Variants in WFDC11 observed in about 807,000 individuals in gnomAD.
WFDC11 encodes the protein protein WFDC11.
A neutral mutation model predicts 9.9 loss-of-function variants in WFDC11; 9 were observed. The ratio of observed to expected loss-of-function variants is 0.91; its 90% CI spans 0.55 to 1.58. The LOEUF (loss-of-function observed/expected upper bound fraction) is 1.58, where lower values mean the gene tolerates loss of function less well. Ranked by LOEUF, WFDC11 falls within the 40% of genes most tolerant of loss-of-function variation. The probability of loss-of-function intolerance (pLI) is 0.00; values close to 1 mark genes in which losing one functional copy is unlikely to be tolerated. For missense variants in WFDC11, 106 were observed against 101.7 expected (o/e 1.04, Z -0.18); for synonymous variants, 32 against 33.3 (o/e 0.96, Z 0.13).
intron 2 of WFDC11, among the ~76,000 whole-genome samples, chr20:45,661,249 C>A (rs6130883): frequency 0.15 from 23,030 of 151,948 alleles, 1,961 homozygotes; most frequent in East Asian, 0.31. Context: ...CCTTCACCCA[C>A]TTTTTTATGG....
chr20:45,649,483 T>C, intron 3 of WFDC11, 84 bp from the exon 4 acceptor site: 1 of 1,525,986 alleles, frequency 6.6e-7, no homozygotes, highest in Non-Finnish European at 8.8e-7. Flanking sequence ...GTTTAACAGT[T>C]CCTCCTGGAA....
At chr20:45,652,148 C>G (rs1396722254) in intron 2 of WFDC11, among the ~76,000 whole-genome samples, 1 of 152,186 alleles carries the variant, frequency 6.6e-6, no homozygotes, top group Non-Finnish European at 1.5e-5. Flanking sequence ...CAAGTGGGTC[C>G]CTGACCCCCG....
intron 4 of WFDC11, 73 bp downstream of exon 4, chr20:45,649,184 A>G (rs1427665035): frequency 7.0e-6 from 11 of 1,565,374 alleles, no homozygotes; most frequent in Non-Finnish European, 7.8e-6. Flanking sequence ...TCTTCTGTTT[A>G]GGAATAACAG....
intron 2 of WFDC11, among the ~76,000 whole-genome samples, chr20:45,653,057 A>G (rs1310993912): frequency 1.3e-5 from 2 of 152,198 alleles, no homozygotes. Context: ...GCAGGCCAAC[A>G]TTCAAATTCA....
At chr20:45,660,603 C>T (rs1983035820) in intron 2 of WFDC11, among the ~76,000 whole-genome samples, 1 of 152,052 alleles carries the variant, frequency 6.6e-6, no homozygotes, top group South Asian at 2.1e-4. Flanking sequence ...GTGTGATGTT[C>T]CCCTTTCTGT....
At chr20:45,668,485 A>G (rs908100911) in intron 1 of WFDC11, among the ~76,000 whole-genome samples, 5 of 98,832 alleles carry the variant, frequency 5.1e-5, no homozygotes, top group African/African-American at 2.1e-4. Flanking sequence ...CTCCGTAGGA[A>G]AAAAAAAAGA....
At position 45,649,412 on chromosome 20, in the gene WFDC11, T is replaced by A; in HGVS notation, c.101-13A>T. The A allele has an allele frequency of 6.2e-7, 1 of 1,613,066 alleles. No homozygotes were observed. The highest frequency in any genetic ancestry group is 8.5e-7 in the Non-Finnish European group (1 of 1,179,814). ...AACAATTCCTTCCCTGAAATTGAGATGAGATGGTCAAAGGTTGATGGTATG... is the reference window on the plus strand; with the variant it reads ...AACAATTCCTTCCCTGAAATTGAGAAGAGATGGTCAAAGGTTGATGGTATG... On this transcript the variant is annotated splice_polypyrimidine_tract_variant and intron_variant, in intron 3 of 4. Transcript: ENST00000324384.
intron 2 of WFDC11, among the ~76,000 whole-genome samples, chr20:45,651,884 G>A (rs1982815396): frequency 6.6e-6 from 1 of 151,156 alleles, no homozygotes; most frequent in African/African-American, 2.5e-5. Context: ...CAGCGAGGCT[G>A]GGGGAGGGGC....
intron 1 of WFDC11, among the ~76,000 whole-genome samples, chr20:45,668,978 C>A (rs1349600412): frequency 6.6e-6 from 1 of 152,154 alleles, no homozygotes; most frequent in African/African-American, 2.4e-5. Context: ...ATTCTCTCTT[C>A]ATAATGTTTA....
At chr20:45,667,482 T>C (rs886499520) in intron 1 of WFDC11, among the ~76,000 whole-genome samples, 43 of 152,262 alleles carry the variant, frequency 2.8e-4, no homozygotes, top group African/African-American at 1.0e-3. Flanking sequence ...ATTTTTTTTC[T>C]AACATTGTGT....
intron 2 of WFDC11, among the ~76,000 whole-genome samples, chr20:45,656,592 T>G (rs1247906854): frequency 6.6e-6 from 1 of 151,912 alleles, no homozygotes. Context: ...AAGTGGGATC[T>G]AATTAATCTA....
chr20:45,652,151 G>A (rs1982821824), intron 2 of WFDC11, among the ~76,000 whole-genome samples: 1 of 152,204 alleles, frequency 6.6e-6, no homozygotes, highest in Non-Finnish European at 1.5e-5. Context: ...GTGGGTCCCT[G>A]ACCCCCGAGT....
intron 2 of WFDC11, among the ~76,000 whole-genome samples, chr20:45,665,561 C>T (rs1244991741): frequency 6.6e-6 from 1 of 152,200 alleles, no homozygotes; most frequent in Non-Finnish European, 1.5e-5. Flanking sequence ...GTTTTATCTA[C>T]CTTTGGTCTT....
At chr20:45,649,135 C>T in intron 4 of WFDC11, 122 bp downstream of exon 4, 2 of 1,208,956 alleles carry the variant, frequency 1.7e-6, no homozygotes, top group South Asian at 1.5e-5. Context: ...GGGACATTGT[C>T]TTCTGTTATT....
chr20:45,668,331 G>A (rs1983227783), intron 1 of WFDC11, among the ~76,000 whole-genome samples: 1 of 152,092 alleles, frequency 6.6e-6, no homozygotes, highest in Non-Finnish European at 1.5e-5. Flanking sequence ...TGAGAAAGTG[G>A]GAAAGTGGGA....
chr20:45,648,674 AT>A lies in WFDC11; in HGVS notation c.*44del. On this transcript the variant is annotated 3_prime_UTR_variant, in exon 5 of 5. Transcript: ENST00000324384. ...GGTACTACTATGAGACCTCTTAAAC[AT>A]TTCCCAGCCCACACAGGTGGCAGCC... The A allele has an allele frequency of 6.2e-7, 1 of 1,613,006 alleles. No individual in the cohort carries two copies. Among genetic ancestry groups the A allele is most frequent in the Non-Finnish European group, 8.5e-7 (1 of 1,179,090 alleles).
At chr20:45,650,209 T>C (rs1002095419) in intron 3 of WFDC11, among the ~76,000 whole-genome samples, 10 of 98,424 alleles carry the variant, frequency 1.0e-4, no homozygotes, top group African/African-American at 2.5e-4. Context: ...TTATGGTATA[T>C]ATACACACAC....
chr20:45,662,442 C>T (rs1326793587), intron 2 of WFDC11, among the ~76,000 whole-genome samples: 1 of 152,244 alleles, frequency 6.6e-6, no homozygotes, highest in East Asian at 1.9e-4. Context: ...CAGGCCAGAA[C>T]TTCCAACACT....
At chr20:45,656,792 C>T (rs1463472558) in intron 2 of WFDC11, among the ~76,000 whole-genome samples, 1 of 152,200 alleles carries the variant, frequency 6.6e-6, no homozygotes, top group Admixed American at 6.5e-5. Flanking sequence ...AGACACTTCT[C>T]AAAAGAAGAC....
Sources: allele counts gnomAD v4.1 joint callset (sites outside exome capture counted in the v4.1 genomes callset), GRCh38; gene constraint gnomAD v4.1.1; transcripts MANE v1.5; gene names NCBI Gene and HGNC (gene_info 2026-07-23, HGNC 2026-07-21).